CDH12: variants seen among roughly 807,000 people sequenced by gnomAD.
CDH12 encodes cadherin 12.
CDH12 carries 41 observed loss-of-function variants against 74.1 expected under a neutral mutation model. The observed-to-expected ratio is 0.55, with a 90% CI of 0.43 to 0.72. CDH12 has a LOEUF of 0.72. Among genes scored for constraint, CDH12 ranks in the 30% least tolerant of loss-of-function variants. CDH12 has a pLI of 0.00. For missense variants in CDH12, 945 were observed against 977.2 expected, an observed-to-expected ratio of 0.97 and a Z score of 0.44; for synonymous variants, 399 against 355.0, an observed-to-expected ratio of 1.12 and a Z score of -1.39.
At chr5:22,798,009 G>A (rs1748316412) in intron 1 of CDH12, among the ~76,000 whole-genome samples, 3 of 152,108 alleles carry the variant, frequency 2.0e-5, no homozygotes, top group East Asian at 3.9e-4. Flanking sequence ...GCTTTGTTTT[G>A]TCAGGAAGCC....
chr5:22,761,753 A>G lies in CDH12; in HGVS notation c.-523+91305T>C, dbSNP rs554032788. On this transcript the variant is annotated intron_variant, in intron 1 of 14. Coordinates refer to ENST00000382254, the MANE Select transcript of CDH12 (RefSeq NM_004061.5). ...TGGTGATTTAAAATATTTGCAAATT[A>G]TTTCTATTGTTAAATTTATGATTAA... Among the ~76,000 whole-genome samples, 3 of 152,248 alleles carry G rather than the reference A, an allele frequency of 2.0e-5. No homozygotes were observed. In the South Asian group the frequency reaches 6.2e-4, roughly 32 times the overall value.
rs1463410546 is a variant in CDH12 at position 21,751,333 on chromosome 5, AAG to A, written c.*402_*403del. On this transcript the variant is annotated 3_prime_UTR_variant, in exon 15 of 15. Coordinates refer to ENST00000382254, the MANE Select transcript of CDH12 (RefSeq NM_004061.5). ...TGTACTGTACACCACTTTAAATGAT[AAG>A]AGTTTCAATAGGCACTTTAGTGGAA... 5.1e-5 allele frequency: 10 copies of A among 196,138 alleles called. No individual in the cohort carries two copies. The highest frequency in any genetic ancestry group is 4.2e-4 in the Admixed American group (8 of 18,912). The allele number at this position is 196,138 out of a possible 1,614,324, so 12.1% of individuals were successfully genotyped here. A position where few individuals can be genotyped will look rare whatever the true frequency, so the allele number is the denominator to read the frequency against.
At chr5:22,497,984 A>C (rs271104) in intron 2 of CDH12, among the ~76,000 whole-genome samples, 141,901 of 152,130 alleles carry the variant, frequency 0.93, 66,277 homozygotes, top group Admixed American at 0.97. Context: ...TCCACTCTCT[A>C]CAAGTTTCCA....
chr5:22,638,798 C>G (rs1341709844), intron 1 of CDH12: 1 of 151,702 alleles, frequency 6.6e-6, no homozygotes, highest in Non-Finnish European at 1.5e-5. Flanking sequence ...AGAATGTAAT[C>G]CCAGCACTTC....
chr5:22,351,441 G>C (rs1740351618), intron 3 of CDH12, among the ~76,000 whole-genome samples: 1 of 152,084 alleles, frequency 6.6e-6, no homozygotes, highest in African/African-American at 2.4e-5. Flanking sequence ...AATACAAATT[G>C]GTGCTTTATT....
At chr5:22,529,281 T>C (rs1394590194) in intron 1 of CDH12, among the ~76,000 whole-genome samples, 1 of 150,484 alleles carries the variant, frequency 6.6e-6, no homozygotes, top group Non-Finnish European at 1.5e-5. Flanking sequence ...TGGAGGCTGA[T>C]GAGTCCCAAG....
intron 3 of CDH12, among the ~76,000 whole-genome samples, chr5:22,404,738 A>G (rs1742866389): frequency 6.6e-6 from 1 of 152,220 alleles, no homozygotes; most frequent in Non-Finnish European, 1.5e-5. Context: ...TTTTGCAATT[A>G]GAGGCCTGCA....
intron 6 of CDH12, among the ~76,000 whole-genome samples, chr5:21,862,241 A>G (rs1343436232): frequency 1.3e-5 from 2 of 152,134 alleles, no homozygotes; most frequent in African/African-American, 4.8e-5. Flanking sequence ...TGACATAACT[A>G]CAGAGGGCTT....
rs1040724146 is a variant in CDH12 at position 22,741,406 on chromosome 5, G to A, written c.-523+111652C>T. On this transcript the variant is annotated intron_variant, in intron 1 of 14. Transcript: ENST00000382254. ...CCCATATTTGCTATTTTTATTATTA[G>A]CATTATATCCGTTAGGATGCTTTTG... is the stretch of plus-strand genomic sequence containing the variant. 2.6e-5 allele frequency among the ~76,000 whole-genome samples: 4 copies of A among 152,084 alleles called. No individual in the cohort carries two copies. In the South Asian group the frequency reaches 8.3e-4, roughly 31 times the overall value.
At chr5:22,295,255 GA>G (rs1737571278) in intron 3 of CDH12, among the ~76,000 whole-genome samples, 1 of 151,970 alleles carries the variant, frequency 6.6e-6, no homozygotes, top group African/African-American at 2.4e-5. Flanking sequence ...TGCTAGAGAA[GA>G]AGCTTAAATT....
intron 1 of CDH12, among the ~76,000 whole-genome samples, chr5:22,666,282 C>CTTTTTTTTTTTTTTTTTTTTTT (rs1161509257): frequency 1.6e-4 from 13 of 83,534 alleles, no homozygotes; most frequent in East Asian, 6.8e-4. Flanking sequence ...ATCTCTCTAT[C>CTTTTTTTTTTTTTTTTTTTTTT]TTTTTTTTTT....
At chr5:21,863,206 T>G (rs1751144039) in intron 6 of CDH12, among the ~76,000 whole-genome samples, 1 of 152,102 alleles carries the variant, frequency 6.6e-6, no homozygotes, top group Admixed American at 6.6e-5. Flanking sequence ...CTGTGACTAC[T>G]CACACTTATT....
intron 2 of CDH12, among the ~76,000 whole-genome samples, chr5:22,498,218 C>A (rs911224740): frequency 3.3e-5 from 5 of 152,090 alleles, no homozygotes; most frequent in Non-Finnish European, 7.4e-5. Flanking sequence ...AACTTCCTGG[C>A]ACTCTTCCCA....
chr5:22,085,201 C>T (rs984347529), intron 4 of CDH12, among the ~76,000 whole-genome samples: 3 of 151,784 alleles, frequency 2.0e-5, no homozygotes. Context: ...GGTCATATAT[C>T]AAAGCAGCAG....
At chr5:22,664,422 C>A (rs1165539472) in intron 1 of CDH12, among the ~76,000 whole-genome samples, 2 of 152,074 alleles carry the variant, frequency 1.3e-5, no homozygotes, top group Non-Finnish European at 2.9e-5. Context: ...GGGAGAAAAG[C>A]CCCTTTTAAA....
At chr5:22,837,199 G>A (rs184659742) in intron 1 of CDH12, among the ~76,000 whole-genome samples, 18 of 152,152 alleles carry the variant, frequency 1.2e-4, no homozygotes, top group South Asian at 2.1e-4. Context: ...GAGGAGGATC[G>A]CTTGAGCTCA....
intron 5 of CDH12, among the ~76,000 whole-genome samples, chr5:22,015,701 A>C (rs1737561309): frequency 6.6e-6 from 1 of 152,152 alleles, no homozygotes; most frequent in Non-Finnish European, 1.5e-5. Context: ...TCCCAGCGTA[A>C]TTTTGCATAT....
chr5:22,231,066 G>T (rs1752366583), intron 3 of CDH12, among the ~76,000 whole-genome samples: 1 of 152,140 alleles, frequency 6.6e-6, no homozygotes, highest in Non-Finnish European at 1.5e-5. Context: ...TGATTCTGAT[G>T]ACACTGGCAA....
intron 1 of CDH12, among the ~76,000 whole-genome samples, chr5:22,737,783 G>A (rs533996425): frequency 9.9e-5 from 15 of 152,074 alleles, no homozygotes; most frequent in East Asian, 5.8e-4. Flanking sequence ...CATATTCTTT[G>A]TATATTTTAA....
Sources: gnomAD v4.1 joint callset for allele counts (sites outside exome capture counted in the v4.1 genomes callset) on GRCh38, gnomAD v4.1.1 for gene constraint, MANE v1.5 for transcripts, NCBI Gene and HGNC (gene_info 2026-07-23, HGNC 2026-07-21) for gene names.